Variants in IGHMBP2 observed in about 807,000 individuals in gnomAD.
The protein encoded by IGHMBP2 is immunoglobulin mu DNA binding protein 2, also known as DNA-binding protein SMUBP-2.
In IGHMBP2, 81 loss-of-function variants were observed where a neutral mutation model predicts 96.0. That is an observed-to-expected ratio of 0.84 (90% CI 0.71 to 1.01). IGHMBP2 has a LOEUF of 1.01. Ranked by LOEUF, IGHMBP2 falls within the 50% of genes least tolerant of loss-of-function variation. The probability of loss-of-function intolerance (pLI) is 0.00; values close to 1 mark genes in which losing one functional copy is unlikely to be tolerated. For missense variants in IGHMBP2, 1,227 were observed against 1,306.3 expected (o/e 0.94, Z 0.94); for synonymous variants, 557 against 548.9 (o/e 1.01, Z -0.21).
chr11:68,931,916 G>A (rs952937639), intron 8 of IGHMBP2, among the ~76,000 whole-genome samples: 3 of 152,036 alleles, frequency 2.0e-5, no homozygotes, highest in South Asian at 4.1e-4. Context: ...CCTGCAGAGA[G>A]TAGGATGGTT....
intron 10 of IGHMBP2, 189 bp downstream of exon 10, chr11:68,934,102 TG>T: frequency 1.6e-6 from 1 of 641,686 alleles, no homozygotes; most frequent in Non-Finnish European, 2.8e-6. Flanking sequence ...AGACCGCTCC[TG>T]GGTGAGATGG....
rs745828352 is a variant in IGHMBP2, at chr11:68,939,848, G to A, written c.*117G>A. ...GAGCGGAGGGGCCTATGGGGGAGGAGCGGAGGGCCCTGTTGGGGAAGGTTG... is the reference window on the plus strand; with the variant it reads ...GAGCGGAGGGGCCTATGGGGGAGGAACGGAGGGCCCTGTTGGGGAAGGTTG... On this transcript the variant is annotated 3_prime_UTR_variant, in exon 15 of 15. Transcript: ENST00000255078. 2.2e-4 allele frequency: 246 copies of A among 1,115,030 alleles called. No homozygotes were observed. The highest frequency in any genetic ancestry group is 2.9e-4 in the Non-Finnish European group (231 of 785,480). 69.1% of individuals were successfully genotyped at this position (1,115,030 alleles called of 1,614,324 possible).
chr11:68,904,567 T>G (rs941711597), intron 1 of IGHMBP2, among the ~76,000 whole-genome samples: 1 of 151,868 alleles, frequency 6.6e-6, no homozygotes. Context: ...CATGGTGGCT[T>G]CAAGGAGGGA....
chr11:68,933,201 G>T, intron 8 of IGHMBP2, 98 bp from the exon 9 acceptor site: 1 of 1,246,544 alleles, frequency 8.0e-7, no homozygotes, highest in Non-Finnish European at 1.1e-6. Flanking sequence ...GGAGAGTTGG[G>T]TCCTGAGGTT....
rs3794032 is a variant in IGHMBP2, at chr11:68,938,907, G to A, written c.2784+553G>A. 4.6e-5 allele frequency among the ~76,000 whole-genome samples: 7 copies of A among 152,186 alleles called. No individual in the cohort carries two copies. The East Asian group carries it at 9.6e-4, about 21-fold the overall frequency. ...CTGAGGAAGAAAACCCAGGGCCAGG[G>A]TGGCAGCAGGGTCACCCACCCAGAT... On this transcript the variant is annotated intron_variant, in intron 14 of 14. Transcript: ENST00000255078.
rs1566423483 is a variant in IGHMBP2 at position 68,906,223 on chromosome 11, A to G, written c.241A>G (p.Asn81Asp). 1.2e-6 allele frequency: 2 copies of G among 1,614,106 alleles called. No individual in the cohort carries two copies. Among genetic ancestry groups the G allele is most frequent in the Non-Finnish European group, 1.7e-6 (2 of 1,180,026 alleles). ...RYGSAAALPS[N>D]SFTSGDIVGL... ...CGGGTCCGCGGCAGCTCTTCCCAGTAACAGCTTTACTTCTGGTGTGTGCGT... is the reference window on the plus strand; with the variant it reads ...CGGGTCCGCGGCAGCTCTTCCCAGTGACAGCTTTACTTCTGGTGTGTGCGT... Residue 81 changes from asparagine (N) to aspartate (D), a missense_variant, in exon 2 of 15, where the codon AAC (asparagine) becomes GAC (aspartate). Asn to Asp is a conservative substitution (Grantham distance 23). Around this residue, in one of 3 missense-constraint regions of IGHMBP2, gnomAD observed 507 missense variants for 496.9 expected, o/e 1.02. Transcript: ENST00000255078.
chr11:68,929,862 C>G (rs1304492566), intron 8 of IGHMBP2: 7 of 978,312 alleles, frequency 7.2e-6, no homozygotes, highest in Admixed American at 6.2e-5. Context: ...GGTGGAGACA[C>G]TGGAGTCCTG....
intron 2 of IGHMBP2, among the ~76,000 whole-genome samples, chr11:68,906,936 C>G (rs1318616897): frequency 6.6e-6 from 1 of 151,814 alleles, no homozygotes; most frequent in Non-Finnish European, 1.5e-5. Flanking sequence ...GCCAGTGCAC[C>G]CAGCCTCTTT....
chr11:68,927,688 C>T (rs768429349), intron 7 of IGHMBP2, among the ~76,000 whole-genome samples: 2 of 152,184 alleles, frequency 1.3e-5, no homozygotes, highest in Non-Finnish European at 2.9e-5. Flanking sequence ...CAACAATTAC[C>T]TCTGATTGTT....
chr11:68,934,505 G>A lies in IGHMBP2; in HGVS notation c.1579G>A (p.Asp527Asn). The change falls in exon 11 of 15, where the codon GAC becomes AAC. Residue 527 changes from aspartate (D) to asparagine (N), a missense_variant. Physicochemically the swap from Asp to Asn is conservative, Grantham distance 23. Transcript: ENST00000255078. The part of the protein sequence containing the change: ...LVSLHIQALV[D>N]AGVPARDIAV... The stretch of plus-strand genomic sequence containing the variant: ...CAGTTTGCACATCCAGGCTCTGGTG[G>A]ACGCTGGTGTTCCAGCCCGTGACAT... The A allele has an allele frequency of 6.2e-7, 1 of 1,612,924 alleles. No homozygotes were observed. The highest frequency in any genetic ancestry group is 8.5e-7 in the Non-Finnish European group (1 of 1,179,426).
chr11:68,910,782 C>T (rs974503930), intron 4 of IGHMBP2, among the ~76,000 whole-genome samples: 1 of 151,438 alleles, frequency 6.6e-6, no homozygotes, highest in Admixed American at 6.6e-5. Context: ...ACTCTGGAGG[C>T]TGAGGCAGGA....
intron 7 of IGHMBP2, among the ~76,000 whole-genome samples, chr11:68,922,876 G>T (rs568631885): frequency 6.6e-6 from 1 of 152,214 alleles, no homozygotes; most frequent in African/African-American, 2.4e-5. Context: ...CTTCTTTCAT[G>T]CCTAATCTCA....
At chr11:68,926,037 C>T (rs938958552) in intron 7 of IGHMBP2, among the ~76,000 whole-genome samples, 1 of 151,996 alleles carries the variant, frequency 6.6e-6, no homozygotes, top group Non-Finnish European at 1.5e-5. Context: ...TGCCCTTATT[C>T]TACTCTCGTC....
Position 68,930,618 on chromosome 11 carries a change from T to C in IGHMBP2, c.1235+1261T>C, listed in dbSNP as rs1859255790. 5 of 708,540 alleles carry C rather than the reference T, an allele frequency of 7.1e-6. No individual in the cohort carries two copies. The South Asian group carries it at 3.2e-4, about 45-fold the overall frequency. The allele number at this position is 708,540 out of a possible 1,614,324, so 43.9% of individuals were successfully genotyped here. On this transcript the variant is annotated intron_variant, in intron 8 of 14. Coordinates refer to ENST00000255078, the MANE Select transcript of IGHMBP2 (RefSeq NM_002180.3). ...GGGATCTCTGGGGTGTTGATTTTTC[T>C]GGCTGGAAACCTCTGCGGCCGCAGC...
chr11:68,921,219 A>G (rs546797552), intron 7 of IGHMBP2, among the ~76,000 whole-genome samples: 1 of 148,278 alleles, frequency 6.7e-6, no homozygotes, highest in Non-Finnish European at 1.5e-5. Flanking sequence ...ACTATGCCCC[A>G]TGATTGAAGA....
At chr11:68,908,000 CTTT>C in intron 2 of IGHMBP2, 142 bp from the exon 3 acceptor site, 7 of 706,480 alleles carry the variant, frequency 9.9e-6, no homozygotes, top group East Asian at 2.7e-5. Context: ...AACTTACTTT[CTTT>C]TTTTTTTTTT....
intron 7 of IGHMBP2, among the ~76,000 whole-genome samples, chr11:68,918,853 T>TC (rs1246982000): frequency 6.6e-6 from 1 of 152,208 alleles, no homozygotes; most frequent in African/African-American, 2.4e-5. Context: ...TTTTGCTTTT[T>TC]CTCTATTGTT....
rs988687833 is a variant in IGHMBP2, at chr11:68,939,750, GC to G, written c.*23del. 4 of 1,588,622 alleles carry G rather than the reference GC, an allele frequency of 2.5e-6. No homozygotes were observed. In the African/African-American group the frequency reaches 4.0e-5, roughly 16 times the overall value. On this transcript the variant is annotated 3_prime_UTR_variant, in exon 15 of 15. Coordinates refer to ENST00000255078, the MANE Select transcript of IGHMBP2 (RefSeq NM_002180.3). ...GACGTGACCGGCCGCATCCTTGCAC[GC>G]CCCGCGGAGCTCTCTCCATGGTAGC...
At chr11:68,906,327 C>T in intron 2 of IGHMBP2, 89 bp downstream of exon 2, 1 of 1,374,918 alleles carries the variant, frequency 7.3e-7, no homozygotes, top group Non-Finnish European at 1.0e-6. Flanking sequence ...TTAAAATGAC[C>T]AGTTGGAGAA....
Sources: gnomAD v4.1 joint callset for allele counts (sites outside exome capture counted in the v4.1 genomes callset) on GRCh38, gnomAD v4.1.1 for gene constraint, gnomAD v4.1.1 regional missense constraint, MANE v1.5 for transcripts, NCBI Gene and HGNC (gene_info 2026-07-23, HGNC 2026-07-21) for gene names.